The following SPNS1 variants were observed in gnomAD, a reference collection of about 807,000 sequenced individuals.
SPNS1 encodes the protein SPNS lysolipid transporter 1, lysophospholipid, also known as protein spinster homolog 1.
In SPNS1, 22 loss-of-function variants were observed where a neutral mutation model predicts 50.3. The observed-to-expected ratio is 0.44, with a 90% CI of 0.31 to 0.62. The LOEUF is 0.62. Ranked by LOEUF, SPNS1 falls within the 20% of genes least tolerant of loss-of-function variation. The pLI is 0.07. For missense variants in SPNS1, 576 were observed against 728.6 expected (o/e 0.79, Z 2.41); for synonymous variants, 295 against 317.4 (o/e 0.93, Z 0.75).
chr16:28,983,000 C>G (rs1230728710), intron 9 of SPNS1, 78 bp downstream of exon 9: 27 of 1,502,604 alleles, frequency 1.8e-5, no homozygotes, highest in Non-Finnish European at 2.5e-5. Flanking sequence ...TGCCTCTACC[C>G]CTCAAAGCCC....
chr16:28,976,289 T>C (rs1965341125), intron 2 of SPNS1, among the ~76,000 whole-genome samples: 1 of 152,008 alleles, frequency 6.6e-6, no homozygotes, highest in African/African-American at 2.4e-5. Context: ...AATAAATAAG[T>C]AAAGGCAGGA....
At position 28,981,891 on chromosome 16, in the gene SPNS1, C is replaced by T. The variant is rs1385261690; in HGVS notation, c.810-10C>T. On this transcript the variant is annotated splice_polypyrimidine_tract_variant and intron_variant, in intron 6 of 11. Transcript: ENST00000311008. The surrounding 1 kb of genome is among the most constrained non-coding windows in gnomAD (Gnocchi z 4.2). The stretch of plus-strand genomic sequence containing the variant: ...TGGGGTCTTACTCTCTCCCTCCCAA[C>T]TATCTGCAGTCCTAGTTTCGTCCTG... 1 of 1,613,846 alleles carries T rather than the reference C, an allele frequency of 6.2e-7. No homozygotes were observed. The highest frequency in any genetic ancestry group is 8.5e-7 in the Non-Finnish European group (1 of 1,179,912).
chr16:28,981,809 T>C lies in SPNS1; in HGVS notation c.810-92T>C, dbSNP rs1184466971. 1 of 1,559,070 alleles carries C rather than the reference T, an allele frequency of 6.4e-7. No individual in the cohort carries two copies. Among genetic ancestry groups the C allele is most frequent in the Non-Finnish European group, 8.8e-7 (1 of 1,140,516 alleles). On this transcript the variant is annotated intron_variant, in intron 6 of 11. Transcript: ENST00000311008. The surrounding 1 kb of genome is among the most constrained non-coding windows in gnomAD (Gnocchi z 4.2). ...ACCACCTCTGCACGGTGTTGTGACC[T>C]TACTAAAATAAGCCAGGAAGGGAGA... is the stretch of plus-strand genomic sequence containing the variant.
rs1254194502 is a variant in SPNS1, at chr16:28,974,881, CGT to C, written c.-269_-268del. 12 of 1,534,238 alleles carry C rather than the reference CGT, an allele frequency of 7.8e-6. No homozygotes were observed. The East Asian group carries it at 2.9e-4, about 37-fold the overall frequency. The stretch of plus-strand genomic sequence containing the variant: ...TACCCCGGGTGAGGGGTGGCCTCCG[CGT>C]GGGATCGTGCCCTCTTCAGCCCGCT... On this transcript the variant is annotated 5_prime_UTR_variant, in exon 1 of 12. The change abolishes the stop of an existing upstream ORF in the 5' untranslated region. Coordinates refer to ENST00000311008, the MANE Select transcript of SPNS1 (RefSeq NM_032038.3).
In SPNS1 at chr16:28,984,413, G is replaced by A. The variant is rs372588861; in HGVS notation, c.*114G>A. 6.6e-6 allele frequency: 7 copies of A among 1,055,018 alleles called. No homozygotes were observed. The highest frequency in any genetic ancestry group is 4.0e-5 in the Admixed American group (2 of 50,572). The allele number at this position is 1,055,018 out of a possible 1,614,324, so 65.4% of individuals were successfully genotyped here. A position where few individuals can be genotyped will look rare whatever the true frequency, so the allele number is the denominator to read the frequency against. On this transcript the variant is annotated 3_prime_UTR_variant, in exon 12 of 12. Coordinates refer to ENST00000311008, the MANE Select transcript of SPNS1 (RefSeq NM_032038.3). ...CCAGCTTCCAGAGGGACCCTGGGCCGTGTGCCAGCTCCCAGACACTACCTG... is the reference window on the plus strand; with the variant it reads ...CCAGCTTCCAGAGGGACCCTGGGCCATGTGCCAGCTCCCAGACACTACCTG...
Position 28,975,289 on chromosome 16 carries a change from GC to G in SPNS1, c.139del (p.Leu47CysfsTer15). 6.3e-7 allele frequency: 1 copy of G among 1,578,654 alleles called. No homozygotes were observed. The highest frequency in any genetic ancestry group is 8.6e-7 in the Non-Finnish European group (1 of 1,160,710). On this transcript the variant is annotated frameshift_variant, in exon 1 of 12. Transcript: ENST00000311008. LOFTEE classifies it high-confidence loss of function. ...AGCCCGAGGTCCCGGACCAGGAGGG[GC>G]TGCAGCGCATCACCGGCCTGTCTCC... ...EEPEVPDQEG[L>X]QRITGLSPGR...
chr16:28,981,337 G>A lies in SPNS1; in HGVS notation c.664-133G>A, dbSNP rs912974126. 16 of 1,201,908 alleles carry A rather than the reference G, an allele frequency of 1.3e-5. No individual in the cohort carries two copies. Among genetic ancestry groups the A allele is most frequent in the African/African-American group, 3.0e-5 (2 of 65,644 alleles). The allele number at this position is 1,201,908 out of a possible 1,614,324, so 74.5% of individuals were successfully genotyped here. ...CCCCCTTCCCCCAGATTGCAGGTTC[G>A]GCTTCTTGGAGCAGGCACTTAACTG... is the stretch of plus-strand genomic sequence containing the variant. On this transcript the variant is annotated intron_variant, in intron 5 of 11. Coordinates refer to ENST00000311008, the MANE Select transcript of SPNS1 (RefSeq NM_032038.3). This position sits in a 1 kb window ranked among gnomAD's most constrained non-coding sequence, Gnocchi z 4.2.
At chr16:28,978,247 C>T (rs1965410490) in intron 3 of SPNS1, among the ~76,000 whole-genome samples, 1 of 151,984 alleles carries the variant, frequency 6.6e-6, no homozygotes, top group Non-Finnish European at 1.5e-5. Flanking sequence ...TGTCCATTAT[C>T]CCCTCTTCCC....
chr16:28,984,723 C>T (rs1370626728), downstream of SPNS1: 12 of 778,942 alleles, frequency 1.5e-5, no homozygotes, highest in East Asian at 8.0e-5. Context: ...TGAGTGTGAC[C>T]GTGAGTCACG....
At position 28,982,382 on chromosome 16, in the gene SPNS1, T is replaced by C. The variant is rs746014974; in HGVS notation, c.992T>C (p.Leu331Pro). 5 of 1,603,594 alleles carry C rather than the reference T, an allele frequency of 3.1e-6. No homozygotes were observed. The South Asian group carries it at 5.6e-5, about 18-fold the overall frequency. The change falls in exon 8 of 12, where the codon CTG becomes CCG. Residue 331 changes from leucine to proline, a missense_variant. Physicochemically the swap from Leu to Pro is moderately conservative, Grantham distance 98. Around this residue, in one of 3 missense-constraint regions of SPNS1, gnomAD observed 428 missense variants for 520.1 expected, o/e 0.82. Transcript: ENST00000311008. ...CTCATCTTTGGACTCATCACCTGCC[T>C]GACCGGAGTCCTGGGTGTGGGCCTG... is the stretch of plus-strand genomic sequence containing the variant. ...DSLIFGLITC[L>P]TGVLGVGLGV...
chr16:28,982,185 G>A (rs140065682), intron 7 of SPNS1, 129 bp downstream of exon 7: 114 of 1,388,426 alleles, frequency 8.2e-5, no homozygotes, highest in African/African-American at 2.9e-4. Flanking sequence ...TGGAATCTCC[G>A]TTTCCTGGTC....
At chr16:28,984,060 C>G in intron 11 of SPNS1, 103 bp downstream of exon 11, 1 of 1,459,428 alleles carries the variant, frequency 6.9e-7, no homozygotes, top group Non-Finnish European at 9.1e-7. Flanking sequence ...CACAGCCCTC[C>G]CCTTGTTTGG....
intron 11 of SPNS1, 82 bp downstream of exon 11, chr16:28,984,039 G>T: frequency 6.7e-7 from 1 of 1,490,072 alleles, no homozygotes; most frequent in South Asian, 1.3e-5. Flanking sequence ...TGTGCACCTG[G>T]CAGCTCAGTC....
rs574430942 is a variant in SPNS1 at position 28,984,233 on chromosome 16, C to T, written c.1521C>T (p.Asp507=). The part of the protein sequence containing the change: ...QGLLHEAGST[D]DRIVVPQRGR... Reference sequence around the variant, plus strand: ...TGCTGCACGAAGCAGGGTCCACAGACGACCGGATTGTGGTGCCCCAGCGGG... The same window carrying T: ...TGCTGCACGAAGCAGGGTCCACAGATGACCGGATTGTGGTGCCCCAGCGGG... Residue 507 remains aspartate (D), a synonymous_variant, in exon 12 of 12, where the codon GAC becomes GAT. Coordinates refer to ENST00000311008, the MANE Select transcript of SPNS1 (RefSeq NM_032038.3). 68 of 1,603,066 alleles carry T rather than the reference C, an allele frequency of 4.2e-5. No individual in the cohort carries two copies. The highest frequency in any genetic ancestry group is 2.7e-4 in the East Asian group (12 of 44,780).
chr16:28,978,277 A>C, intron 3 of SPNS1, among the ~76,000 whole-genome samples: 1 of 149,728 alleles, frequency 6.7e-6, no homozygotes, highest in African/African-American at 2.5e-5. Context: ...GACTCCTTCT[A>C]CTCCATACCT....
Position 28,974,839 on chromosome 16 carries a change from C to G in SPNS1, c.-313C>G. 4 of 1,535,678 alleles carry G rather than the reference C, an allele frequency of 2.6e-6. No individual in the cohort carries two copies. ...GTGCAGCGCCCGGGCTGAGCGACAG[C>G]AAGTGCAGCGGGCTCCTACCCCGGG... is the stretch of plus-strand genomic sequence containing the variant. On this transcript the variant is annotated 5_prime_UTR_variant, in exon 1 of 12. Coordinates refer to ENST00000311008, the MANE Select transcript of SPNS1 (RefSeq NM_032038.3).
Position 28,984,216 on chromosome 16 carries a change from G to A in SPNS1, c.1504G>A (p.Glu502Lys), listed in dbSNP as rs201744028. Residue 502 changes from glutamate (E) to lysine (K), a missense_variant, in exon 12 of 12, where the codon GAA becomes AAA. Glu to Lys is a moderately conservative substitution (Grantham distance 56). Around this residue, in one of 3 missense-constraint regions of SPNS1, gnomAD observed 428 missense variants for 520.1 expected, o/e 0.82. Transcript: ENST00000311008. Reference sequence around the variant, plus strand: ...CCCTCCCCCCTCAGGCCTGCTGCACGAAGCAGGGTCCACAGACGACCGGAT... The same window carrying A: ...CCCTCCCCCCTCAGGCCTGCTGCACAAAGCAGGGTCCACAGACGACCGGAT... ...AQLHVQGLLH[E>K]AGSTDDRIVV... The A allele has an allele frequency of 3.5e-5, 55 of 1,582,580 alleles. No individual in the cohort carries two copies. The highest frequency in any genetic ancestry group is 2.7e-4 in the African/African-American group (20 of 74,402).
In SPNS1 at chr16:28,981,028, C is replaced by T. The variant is rs141817460; in HGVS notation, c.664-442C>T. On this transcript the variant is annotated intron_variant, in intron 5 of 11. Coordinates refer to ENST00000311008, the MANE Select transcript of SPNS1 (RefSeq NM_032038.3). The surrounding 1 kb of genome is among the most constrained non-coding windows in gnomAD (Gnocchi z 4.2). ...TTTGTGTTAACATCATTCTTAAGGA[C>T]GTGAGAACTCCAGATGATTACCTTT... 1.0e-3 allele frequency among the ~76,000 whole-genome samples: 158 copies of T among 152,316 alleles called. 1 individual carries two copies. Among genetic ancestry groups the T allele is most frequent in the African/African-American group, 3.3e-3 (136 of 41,566 alleles).
chr16:28,978,023 G>T lies in SPNS1; in HGVS notation c.423G>T (p.Gly141=), dbSNP rs778981533. ...GIAFWSLVTL[G]SSFIPGEHFW... is the part of the protein sequence containing the mutation. Reference sequence around the variant, plus strand: ...CCTTCTGGTCCCTGGTGACACTGGGGTCATCCTTCATCCCCGGAGAGGTGA... The same window carrying T: ...CCTTCTGGTCCCTGGTGACACTGGGTTCATCCTTCATCCCCGGAGAGGTGA... Residue 141 remains glycine, a synonymous_variant, in exon 3 of 12, where the codon GGG becomes GGT. Transcript: ENST00000311008. 3.7e-6 allele frequency: 6 copies of T among 1,613,586 alleles called. No individual in the cohort carries two copies. The highest frequency in any genetic ancestry group is 4.2e-6 in the Non-Finnish European group (5 of 1,179,810).
Sources: allele counts gnomAD v4.1 joint callset (sites outside exome capture counted in the v4.1 genomes callset), GRCh38; gene constraint gnomAD v4.1.1; regional missense constraint gnomAD v4.1.1; non-coding constraint Gnocchi (gnomAD v3.1); transcripts MANE v1.5; gene names NCBI Gene and HGNC (gene_info 2026-07-23, HGNC 2026-07-21).